Variants in ANKS1A observed in about 807,000 individuals in gnomAD.
ANKS1A encodes ankyrin repeat and SAM domain-containing protein 1A.
In ANKS1A, 55 loss-of-function variants were observed where a neutral mutation model predicts 120.3. The observed-to-expected ratio is 0.46, with a 90% CI of 0.37 to 0.57. ANKS1A has a LOEUF of 0.57. ANKS1A is among the 20% of genes least tolerant of loss of function. ANKS1A has a pLI of 0.00. For missense variants in ANKS1A, 1,123 were observed against 1,480.3 expected, an observed-to-expected ratio of 0.76 and a Z score of 3.96; for synonymous variants, 590 against 604.7, an observed-to-expected ratio of 0.98 and a Z score of 0.36.
In ANKS1A at chr6:35,079,554, C is replaced by A; in HGVS notation, c.2322C>A (p.Ser774Arg). Residue 774 changes from serine (S) to arginine (R), a missense_variant, in exon 15 of 24, where the codon AGC (serine) becomes AGA (arginine). Coordinates refer to ENST00000360359, the MANE Select transcript of ANKS1A (RefSeq NM_015245.3). ...ALGYDGNSPP[S>R]VPSWLDSLGL... ...GTTATGACGGGAACAGCCCCCCTAG[C>A]GTGCCCTCCTGGCTGGACTCCCTGG... is the stretch of plus-strand genomic sequence containing the variant. 6.2e-7 allele frequency: 1 copy of A among 1,614,052 alleles called. No individual in the cohort carries two copies. The highest frequency in any genetic ancestry group is 8.5e-7 in the Non-Finnish European group (1 of 1,179,932).
chr6:34,924,504 C>A (rs1478355373), intron 1 of ANKS1A, among the ~76,000 whole-genome samples: 2 of 152,152 alleles, frequency 1.3e-5, no homozygotes, highest in African/African-American at 4.8e-5. Flanking sequence ...TTAAGTTTCT[C>A]ATTTCCCTGC....
At chr6:34,967,190 A>G (rs1320017591) in intron 1 of ANKS1A, 49 bp from the exon 2 acceptor site, 1 of 1,591,428 alleles carries the variant, frequency 6.3e-7, no homozygotes, top group Non-Finnish European at 8.6e-7. Flanking sequence ...TTGGTTTGTG[A>G]CTTCGGTCTG....
intron 1 of ANKS1A, among the ~76,000 whole-genome samples, chr6:34,895,133 A>C (rs1290561461): frequency 6.6e-6 from 1 of 152,090 alleles, no homozygotes; most frequent in Non-Finnish European, 1.5e-5. Flanking sequence ...CAAATGTCAG[A>C]AAATATGGCA....
At chr6:35,093,835 G>A (rs1778380208), downstream of ANKS1A, among the ~76,000 whole-genome samples, 1 of 152,116 alleles carries the variant, frequency 6.6e-6, no homozygotes, top group African/African-American at 2.4e-5. Flanking sequence ...GGAAAAATGG[G>A]GCCCCACCCA....
At chr6:34,906,357 C>T (rs903703296) in intron 1 of ANKS1A, among the ~76,000 whole-genome samples, 3 of 152,306 alleles carry the variant, frequency 2.0e-5, no homozygotes, top group Middle Eastern at 3.4e-3. Context: ...CTTCTCCCTT[C>T]ATCCATGGGA....
chr6:34,979,435 A>G (rs140298098), intron 3 of ANKS1A, among the ~76,000 whole-genome samples: 4 of 152,360 alleles, frequency 2.6e-5, no homozygotes, highest in Non-Finnish European at 5.9e-5. Context: ...TACTGTGTCT[A>G]TGAGTGTAAC....
intron 1 of ANKS1A, among the ~76,000 whole-genome samples, chr6:34,896,672 T>TA (rs1206445046): frequency 2.6e-5 from 4 of 151,402 alleles, no homozygotes; most frequent in Non-Finnish European, 5.9e-5. Context: ...CTACAAAAAA[T>TA]AAAAAAACTA....
At chr6:35,096,785 C>G in the ANKS1A span, among the ~76,000 whole-genome samples, 1 of 152,248 alleles carries the variant, frequency 6.6e-6, no homozygotes, top group Admixed American at 6.5e-5. Context: ...GCCAGGTTTT[C>G]TGAGGCTCCA....
intron 1 of ANKS1A, among the ~76,000 whole-genome samples, chr6:34,925,844 G>T (rs1251077875): frequency 6.6e-6 from 1 of 152,144 alleles, no homozygotes; most frequent in Non-Finnish European, 1.5e-5. Flanking sequence ...ACTTAGTGGG[G>T]TGCTACTGGC....
At chr6:34,948,033 AGTTT>A (rs1170199701) in intron 1 of ANKS1A, among the ~76,000 whole-genome samples, 1 of 152,038 alleles carries the variant, frequency 6.6e-6, no homozygotes, top group Admixed American at 6.6e-5. Context: ...TTAAAATCGA[AGTTT>A]GTTTGTTTTT....
intron 1 of ANKS1A, among the ~76,000 whole-genome samples, chr6:34,940,107 G>A (rs1769453366): frequency 6.6e-6 from 1 of 152,188 alleles, no homozygotes; most frequent in African/African-American, 2.4e-5. Flanking sequence ...ATAAGCAGTG[G>A]ATTTAAAAAC....
intron 16 of ANKS1A, among the ~76,000 whole-genome samples, chr6:35,080,503 G>T (rs536910486): frequency 6.1e-4 from 93 of 152,332 alleles, no homozygotes; most frequent in Admixed American, 1.3e-3. Flanking sequence ...TGCCCCGCAG[G>T]TCTCACCCCA....
intron 1 of ANKS1A, among the ~76,000 whole-genome samples, chr6:34,936,707 G>T (rs1367278119): frequency 6.6e-6 from 1 of 152,038 alleles, no homozygotes; most frequent in Non-Finnish European, 1.5e-5. Context: ...AAGGATATTC[G>T]GTTTCCTCAC....
chr6:34,952,710 CT>C lies in ANKS1A; in HGVS notation c.198-14514del, dbSNP rs774626309. On this transcript the variant is annotated intron_variant, in intron 1 of 23. Coordinates refer to ENST00000360359, the MANE Select transcript of ANKS1A (RefSeq NM_015245.3). ...TAACTTCGAAGAATATATTTAAGTT[CT>C]TTTTTTTTTTTTTTCCAAGACGGAA... Among the ~76,000 whole-genome samples the C allele has an allele frequency of 6.5e-3, 918 of 141,918 alleles. 2 individuals carry two copies. The highest frequency in any genetic ancestry group is 7.5e-3 in the Middle Eastern group (2 of 266). 93.1% of individuals were successfully genotyped at this position (141,918 alleles called of 152,430 possible). A position where few individuals can be genotyped will look rare whatever the true frequency, so the allele number is the denominator to read the frequency against.
At chr6:35,048,402 G>T (rs1384018907) in intron 11 of ANKS1A, among the ~76,000 whole-genome samples, 1 of 152,210 alleles carries the variant, frequency 6.6e-6, no homozygotes, top group Admixed American at 6.5e-5. Flanking sequence ...ATGTCTGGTC[G>T]CCTCGGCAAG....
intron 3 of ANKS1A, among the ~76,000 whole-genome samples, chr6:34,970,883 C>T (rs770663931): frequency 3.3e-5 from 5 of 152,046 alleles, no homozygotes; most frequent in Non-Finnish European, 7.4e-5. Flanking sequence ...GTGGCACACA[C>T]CTGTAGTCCC....
intron 1 of ANKS1A, among the ~76,000 whole-genome samples, chr6:34,964,901 CATT>C (rs1283669688): frequency 5.3e-5 from 8 of 152,202 alleles, no homozygotes; most frequent in Non-Finnish European, 5.9e-5. Context: ...TTGATAATAT[CATT>C]ATGTTCATTT....
At chr6:35,075,661 A>G (rs571083516) in intron 13 of ANKS1A, among the ~76,000 whole-genome samples, 3 of 152,138 alleles carry the variant, frequency 2.0e-5, no homozygotes, top group South Asian at 4.1e-4. Context: ...TGATCTGCCC[A>G]CTTCGATCTC....
chr6:34,963,824 G>A (rs1011341709), intron 1 of ANKS1A, among the ~76,000 whole-genome samples: 1 of 152,130 alleles, frequency 6.6e-6, no homozygotes, highest in African/African-American at 2.4e-5. Flanking sequence ...GGTGTGAGGT[G>A]ATATATCATT....
Sources: allele counts gnomAD v4.1 joint callset (sites outside exome capture counted in the v4.1 genomes callset), GRCh38; gene constraint gnomAD v4.1.1; transcripts MANE v1.5; gene names NCBI Gene and HGNC (gene_info 2026-07-23, HGNC 2026-07-21).